The following TAGLN3 variants were observed in gnomAD, a reference collection of about 807,000 sequenced individuals.
TAGLN3 encodes the protein transgelin-3.
A neutral mutation model predicts 25.4 loss-of-function variants in TAGLN3; 12 were observed. That is an observed-to-expected ratio of 0.47 (90% confidence interval 0.30 to 0.77). The LOEUF is 0.77. Among genes scored for constraint, TAGLN3 ranks in the 30% least tolerant of loss-of-function variants. The pLI is 0.06. For synonymous variants in TAGLN3, 96 were observed against 94.8 expected (o/e 1.01, Z -0.08); for missense variants, 218 against 255.8 (o/e 0.85, Z 1.01).
intron 3 of TAGLN3, among the ~76,000 whole-genome samples, chr3:112,002,847 A>G (rs2072876695): frequency 6.7e-6 from 1 of 149,026 alleles, no homozygotes; most frequent in South Asian, 2.1e-4. Flanking sequence ...TGTAGGGAGA[A>G]ATAGTCCCTG....
At position 112,013,463 on chromosome 3, in the gene TAGLN3, A is replaced by T. The variant is rs773258514; in HGVS notation, c.512A>T (p.Gln171Leu). 2.7e-5 allele frequency: 44 copies of T among 1,614,090 alleles called. No homozygotes were observed. The South Asian group carries it at 3.8e-4, about 14-fold the overall frequency. Residue 171 changes from glutamine to leucine, a missense_variant, in exon 5 of 5, where the codon CAG becomes CTG. Physicochemically the swap from Gln to Leu is moderately radical, Grantham distance 113. Transcript: ENST00000478951. Reference sequence around the variant, plus strand: ...TCCGAGGAGCAGCTTCGCCAGGGACAGAACGTAATAGGCCTGCAGATGGGC... The same window carrying T: ...TCCGAGGAGCAGCTTCGCCAGGGACTGAACGTAATAGGCCTGCAGATGGGC... ...GFSEEQLRQG[Q>L]NVIGLQMGSN...
chr3:112,008,575 G>T (rs554575596), intron 3 of TAGLN3, among the ~76,000 whole-genome samples: 1 of 152,234 alleles, frequency 6.6e-6, no homozygotes, highest in Non-Finnish European at 1.5e-5. Flanking sequence ...GCAGAAATCA[G>T]CTTCTACAAG....
chr3:112,003,507 G>A (rs560634007), intron 3 of TAGLN3, among the ~76,000 whole-genome samples: 40 of 152,240 alleles, frequency 2.6e-4, no homozygotes, highest in African/African-American at 9.4e-4. Flanking sequence ...GGGCAGGGTT[G>A]GCACGTGTTA....
In TAGLN3 at chr3:112,013,865, T is replaced by C; in HGVS notation, c.*314T>C. 2.7e-6 allele frequency: 1 copy of C among 375,956 alleles called. No homozygotes were observed. The highest frequency in any genetic ancestry group is 5.1e-6 in the Non-Finnish European group (1 of 197,864). 23.3% of individuals were successfully genotyped at this position (375,956 alleles called of 1,614,324 possible). ...TCTTCAACTTATAGAATGCACCTAA[T>C]AAAGTAATTAGTCTTGTGTCTTACA... On this transcript the variant is annotated 3_prime_UTR_variant, in exon 5 of 5. Coordinates refer to ENST00000478951, the MANE Select transcript of TAGLN3 (RefSeq NM_001008272.2).
chr3:112,002,643 T>TC (rs56092285), intron 3 of TAGLN3, among the ~76,000 whole-genome samples: 72,253 of 141,136 alleles, frequency 0.51, 17,998 homozygotes, highest in Admixed American at 0.6. Context: ...CCCGGGTGAG[T>TC]CCCCCCCCCA....
chr3:112,012,682 G>T (rs6800621), intron 4 of TAGLN3, among the ~76,000 whole-genome samples: 144,052 of 152,092 alleles, frequency 0.95, 68,505 homozygotes, highest in East Asian at 1. Context: ...ACTTCTGAGA[G>T]GTTGGCCATT....
At chr3:112,006,679 A>G (rs2072920438) in intron 3 of TAGLN3, among the ~76,000 whole-genome samples, 1 of 152,266 alleles carries the variant, frequency 6.6e-6, no homozygotes, top group African/African-American at 2.4e-5. Context: ...AATAGAAAGT[A>G]GAGACTGTCC....
At chr3:112,003,322 A>G (rs545530846) in intron 3 of TAGLN3, among the ~76,000 whole-genome samples, 1 of 152,256 alleles carries the variant, frequency 6.6e-6, no homozygotes, top group East Asian at 1.9e-4. Context: ...TCACCATACA[A>G]CAGGGCAGGA....
intron 3 of TAGLN3, among the ~76,000 whole-genome samples, chr3:112,003,276 C>T (rs2072881493): frequency 6.6e-6 from 1 of 152,078 alleles, no homozygotes; most frequent in South Asian, 2.1e-4. Context: ...TCTGATATTC[C>T]CCAGGATCAC....
chr3:111,999,882 A>G (rs2072836786), intron 2 of TAGLN3, among the ~76,000 whole-genome samples: 1 of 152,184 alleles, frequency 6.6e-6, no homozygotes, highest in East Asian at 1.9e-4. Flanking sequence ...GAATAGAGAT[A>G]AGTATGTCCT....
chr3:111,999,517 A>T lies in TAGLN3; in HGVS notation c.95A>T (p.Asp32Val), dbSNP rs1407915234. ...YDADLENKLV[D>V]WIILQCAEDI... ...GCGGACCTGGAGAACAAGCTGGTGG[A>T]CTGGATCATCCTGCAGTGCGCCGAG... Residue 32 changes from aspartate to valine, a missense_variant, in exon 2 of 5, where the codon GAC (aspartate) becomes GTC (valine). By Grantham distance (152) the Asp-to-Val change is radical (BLOSUM62 -3). Coordinates refer to ENST00000478951, the MANE Select transcript of TAGLN3 (RefSeq NM_001008272.2). The T allele has an allele frequency of 6.2e-7, 1 of 1,614,188 alleles. No individual in the cohort carries two copies. Among genetic ancestry groups the T allele is most frequent in the East Asian group, 2.2e-5 (1 of 44,882 alleles).
intron 3 of TAGLN3, 102 bp from the exon 4 acceptor site, chr3:112,011,661 C>A: frequency 9.1e-7 from 1 of 1,097,890 alleles, no homozygotes; most frequent in Non-Finnish European, 1.3e-6. Flanking sequence ...TGGTCACCTG[C>A]AGCCTTCTAT....
At chr3:112,009,469 C>T (rs1029931268) in intron 3 of TAGLN3, among the ~76,000 whole-genome samples, 5 of 152,162 alleles carry the variant, frequency 3.3e-5, no homozygotes, top group African/African-American at 4.8e-5. Context: ...CATCCCTGAT[C>T]GCTGGTTCCT....
At chr3:112,006,475 A>G (rs1423867024) in intron 3 of TAGLN3, among the ~76,000 whole-genome samples, 1 of 152,204 alleles carries the variant, frequency 6.6e-6, no homozygotes, top group Non-Finnish European at 1.5e-5. Flanking sequence ...AAGCTAGGCC[A>G]AAGTTATTAT....
rs2072828817 is a variant in TAGLN3 at position 111,999,437 on chromosome 3, C to T, written c.15C>T (p.Gly5=). 2 of 1,614,064 alleles carry T rather than the reference C, an allele frequency of 1.2e-6. No homozygotes were observed. The highest frequency in any genetic ancestry group is 2.7e-5 in the African/African-American group (2 of 75,040). Reference sequence around the variant, plus strand: ...TCTTTCCAGAGATGGCTAACAGGGGCCCGAGCTATGGCTTAAGCCGAGAGG... The same window carrying T: ...TCTTTCCAGAGATGGCTAACAGGGGTCCGAGCTATGGCTTAAGCCGAGAGG... MANR[G]PSYGLSREVQ... is the part of the protein sequence containing the mutation. Residue 5 remains glycine (G), a synonymous_variant, in exon 2 of 5, where the codon GGC becomes GGT. Transcript: ENST00000478951.
intron 1 of TAGLN3, 150 bp from the exon 2 acceptor site, chr3:111,999,271 C>T: frequency 1.2e-6 from 1 of 826,692 alleles, no homozygotes; most frequent in Non-Finnish European, 1.8e-6. Flanking sequence ...GCTTCATTGG[C>T]TCCTTGATTT....
chr3:112,013,397 T>C lies in TAGLN3; in HGVS notation c.459-13T>C. 2 of 1,606,712 alleles carry C rather than the reference T, an allele frequency of 1.2e-6. No individual in the cohort carries two copies. Among genetic ancestry groups the C allele is most frequent in the Non-Finnish European group, 1.7e-6 (2 of 1,175,138 alleles). ...TCATAATGACATTATTCCCTCTCAC[T>C]TTCCTTGTCCAGGAAAGCCCAGCAG... On this transcript the variant is annotated splice_polypyrimidine_tract_variant and intron_variant, in intron 4 of 4. Transcript: ENST00000478951.
chr3:112,009,075 T>C (rs1157432940), intron 3 of TAGLN3, among the ~76,000 whole-genome samples: 3 of 152,116 alleles, frequency 2.0e-5, no homozygotes, highest in Admixed American at 1.3e-4. Context: ...AGATCTTGTG[T>C]GAACTCATAC....
chr3:112,011,889 T>TG (rs1051675187), intron 4 of TAGLN3, 24 bp downstream of exon 4: 1 of 1,607,166 alleles, frequency 6.2e-7, no homozygotes, highest in African/African-American at 1.3e-5. Flanking sequence ...CCTTGCCCCC[T>TG]GGACCACAAG....
Sources: allele counts gnomAD v4.1 joint callset (sites outside exome capture counted in the v4.1 genomes callset), GRCh38; gene constraint gnomAD v4.1.1; transcripts MANE v1.5; gene names NCBI Gene and HGNC (gene_info 2026-07-23, HGNC 2026-07-21).